FARS2: variants seen among roughly 807,000 people sequenced by gnomAD.
The protein encoded by FARS2 is phenylalanine--tRNA ligase, mitochondrial.
Under a neutral mutation model 46.4 loss-of-function variants are expected in FARS2, and 40 were observed. That is an observed-to-expected ratio of 0.86 (90% CI 0.67 to 1.12). The LOEUF (loss-of-function observed/expected upper bound fraction) is 1.12, where lower values mean the gene tolerates loss of function less well. Among genes scored for constraint, FARS2 ranks in the 50% most tolerant of loss-of-function variants. FARS2 has a pLI of 0.00. For missense variants in FARS2, 513 were observed against 567.9 expected (o/e 0.90, Z 0.98); for synonymous variants, 234 against 214.9 (o/e 1.09, Z -0.78).
chr6:5,359,059 A>ATTTTTTTT (rs1758132496), intron 1 of FARS2, among the ~76,000 whole-genome samples: 2 of 37,320 alleles, frequency 5.4e-5, no homozygotes, highest in Admixed American at 3.7e-4. Flanking sequence ...TTTTTTTTTG[A>ATTTTTTTT]TATGGAGGCT....
intron 6 of FARS2, among the ~76,000 whole-genome samples, chr6:5,642,792 G>C (rs910339623): frequency 6.6e-6 from 1 of 152,170 alleles, no homozygotes; most frequent in Non-Finnish European, 1.5e-5. Flanking sequence ...TCGTTATTTT[G>C]AGTTCAGTCC....
intron 5 of FARS2, among the ~76,000 whole-genome samples, chr6:5,563,087 G>A (rs1772105308): frequency 6.6e-6 from 1 of 151,684 alleles, no homozygotes; most frequent in Admixed American, 6.6e-5. Flanking sequence ...GAGACAGAGG[G>A]AGGGGGGCTC....
At chr6:5,299,386 T>C (rs1768125395) in intron 1 of FARS2, among the ~76,000 whole-genome samples, 1 of 152,232 alleles carries the variant, frequency 6.6e-6, no homozygotes, top group South Asian at 2.1e-4. Flanking sequence ...TTTTTTGGTT[T>C]CAAGGAATGC....
intron 6 of FARS2, among the ~76,000 whole-genome samples, chr6:5,703,185 C>A (rs1758545849): frequency 1.3e-5 from 2 of 152,162 alleles, no homozygotes; most frequent in African/African-American, 2.4e-5. Flanking sequence ...GAGTGATGAA[C>A]CTCTGGTAGC....
intron 4 of FARS2, among the ~76,000 whole-genome samples, chr6:5,448,471 G>GT (rs35279187): frequency 0.74 from 108,124 of 145,464 alleles, 40,466 homozygotes; most frequent in East Asian, 0.86. Flanking sequence ...CATTTTTTCT[G>GT]TTTTTTTTTT....
At chr6:5,515,005 G>T (rs915987691) in intron 4 of FARS2, among the ~76,000 whole-genome samples, 9 of 151,636 alleles carry the variant, frequency 5.9e-5, no homozygotes, top group Non-Finnish European at 1.3e-4. Flanking sequence ...TGAATTCCTG[G>T]TCTCAAGTGG....
intron 6 of FARS2, among the ~76,000 whole-genome samples, chr6:5,671,239 A>G (rs556191589): frequency 1.3e-5 from 2 of 152,348 alleles, no homozygotes; most frequent in South Asian, 4.1e-4. Flanking sequence ...TGCAGTGTCC[A>G]TGAGTACCTC....
intron 1 of FARS2, among the ~76,000 whole-genome samples, chr6:5,358,753 T>G (rs1350096760): frequency 6.6e-6 from 1 of 152,184 alleles, no homozygotes; most frequent in Non-Finnish European, 1.5e-5. Flanking sequence ...CTCTTATGTA[T>G]TCATTTAATT....
the FARS2 span, among the ~76,000 whole-genome samples, chr6:5,251,672 C>A: frequency 1.3e-5 from 2 of 152,214 alleles, no homozygotes; most frequent in African/African-American, 2.4e-5. Flanking sequence ...TCCCACCAGG[C>A]CCCACCTCCA....
At chr6:5,371,146 C>T (rs1037906817) in intron 2 of FARS2, 4 of 980,506 alleles carry the variant, frequency 4.1e-6, no homozygotes, top group Non-Finnish European at 3.6e-6. Context: ...TGCTTATGAC[C>T]CAAAGGGGAG....
intron 4 of FARS2, among the ~76,000 whole-genome samples, chr6:5,475,005 T>C (rs1019127558): frequency 1.3e-5 from 2 of 152,186 alleles, no homozygotes; most frequent in African/African-American, 2.4e-5. Context: ...ATATAAGTAG[T>C]CTGCCATTTA....
chr6:5,550,403 T>C (rs1771301866), intron 5 of FARS2, among the ~76,000 whole-genome samples: 1 of 152,216 alleles, frequency 6.6e-6, no homozygotes, highest in African/African-American at 2.4e-5. Flanking sequence ...TAGCTGGTAC[T>C]ACAAGCACAT....
chr6:5,499,005 C>A (rs1767637674), intron 4 of FARS2, among the ~76,000 whole-genome samples: 1 of 152,136 alleles, frequency 6.6e-6, no homozygotes, highest in South Asian at 2.1e-4. Context: ...TCAAGCGATT[C>A]TCCTGCCTCA....
At chr6:5,459,568 G>A (rs1040054971) in intron 4 of FARS2, among the ~76,000 whole-genome samples, 5 of 152,098 alleles carry the variant, frequency 3.3e-5, no homozygotes, top group Non-Finnish European at 7.3e-5. Context: ...TGCCCAGAGC[G>A]GGAGGGACAT....
In FARS2 at chr6:5,503,405, C is replaced by CACACACAGAG. The variant is rs888782982; in HGVS notation, c.905-41774_905-41773insCACACAGAGA. Among the ~76,000 whole-genome samples the CACACACAGAG allele has an allele frequency of 4.8e-4, 19 of 39,618 alleles. No individual in the cohort carries two copies. In the East Asian group the frequency reaches 7.4e-3, roughly 15 times the overall value. The allele number at this position is 39,618 out of a possible 152,430, so 26.0% of individuals were successfully genotyped here. A position where few individuals can be genotyped will look rare whatever the true frequency, so the allele number is the denominator to read the frequency against. On this transcript the variant is annotated intron_variant, in intron 4 of 6. Coordinates refer to ENST00000274680, the MANE Select transcript of FARS2 (RefSeq NM_006567.5). ...ACACACACACACACACACACACACA[C>CACACACAGAG]AGAGAGAGAGAGAGAGAGAGAGAGA...
intron 6 of FARS2, among the ~76,000 whole-genome samples, chr6:5,724,128 A>G (rs540637774): frequency 3.0e-4 from 46 of 151,702 alleles, no homozygotes; most frequent in African/African-American, 1.0e-3. Flanking sequence ...CACTTCTCTG[A>G]TGGGGCTTAG....
intron 5 of FARS2, among the ~76,000 whole-genome samples, chr6:5,593,117 G>T (rs892254505): frequency 6.6e-6 from 1 of 152,138 alleles, no homozygotes; most frequent in Non-Finnish European, 1.5e-5. Flanking sequence ...GAGCAATGCC[G>T]TGCTTCTGGT....
chr6:5,280,176 G>A (rs1457139380), intron 1 of FARS2, among the ~76,000 whole-genome samples: 1 of 152,042 alleles, frequency 6.6e-6, no homozygotes, highest in Non-Finnish European at 1.5e-5. Context: ...TTTTGCCCTT[G>A]GCATAAATAA....
intron 1 of FARS2, among the ~76,000 whole-genome samples, chr6:5,308,730 A>G (rs1404699216): frequency 6.6e-6 from 1 of 152,246 alleles, no homozygotes; most frequent in Non-Finnish European, 1.5e-5. Flanking sequence ...CTGTGGATCA[A>G]GCCGTGGTAT....
Sources: allele counts gnomAD v4.1 joint callset (sites outside exome capture counted in the v4.1 genomes callset), GRCh38; gene constraint gnomAD v4.1.1; transcripts MANE v1.5; gene names NCBI Gene and HGNC (gene_info 2026-07-23, HGNC 2026-07-21).